The following PTGDS variants were observed in gnomAD, a reference collection of about 807,000 sequenced individuals.
The protein encoded by PTGDS is prostaglandin D2 synthase, also known as prostaglandin-H2 D-isomerase.
PTGDS carries 21 observed loss-of-function variants against 28.4 expected under a neutral mutation model. The observed-to-expected ratio is 0.74, with a 90% CI of 0.52 to 1.07. The LOEUF (loss-of-function observed/expected upper bound fraction) is 1.07. Among genes scored for constraint, PTGDS ranks in the 50% least tolerant of loss-of-function variants. The pLI, the probability that PTGDS is intolerant of heterozygous loss-of-function variation, is 0.00. For synonymous variants in PTGDS, 102 were observed against 106.0 expected, an observed-to-expected ratio of 0.96 and a Z score of 0.23; for missense variants, 243 against 247.7, an observed-to-expected ratio of 0.98 and a Z score of 0.13.
chr9:136,980,531 G>A (rs1050584169), intron 5 of PTGDS: 6 of 1,010,472 alleles, frequency 5.9e-6, no homozygotes, highest in Non-Finnish European at 8.5e-6. Context: ...CTCCCAGGAT[G>A]TGGGGCTTCA....
At chr9:136,977,930 C>T (rs1240692128) in intron 1 of PTGDS, among the ~76,000 whole-genome samples, 1 of 152,174 alleles carries the variant, frequency 6.6e-6, no homozygotes, top group South Asian at 2.1e-4. Flanking sequence ...ACGCAGACAC[C>T]GGGCCACACA....
intron 1 of PTGDS, among the ~76,000 whole-genome samples, chr9:136,978,470 A>AG (rs1043454821): frequency 1.5e-4 from 1 of 6,584 alleles, no homozygotes; most frequent in South Asian, 4.0e-3. Flanking sequence ...TCTCCGGGGG[A>AG]GGGGGAAGTG....
Position 136,980,287 on chromosome 9 carries a change from G to A in PTGDS, c.550+3G>A. ...CATTGTCTTCCTGCCCCAAACCGGT[G>A]AGGGGTCCTAATCTGATGGGGAGAG... On this transcript the variant is annotated splice_donor_region_variant and intron_variant, in intron 5 of 6. Transcript: ENST00000371625. The A allele has an allele frequency of 6.2e-7, 1 of 1,613,598 alleles. No individual in the cohort carries two copies. Among genetic ancestry groups the A allele is most frequent in the Non-Finnish European group, 8.5e-7 (1 of 1,179,624 alleles).
intron 6 of PTGDS, 30 bp from the exon 7 acceptor site, chr9:136,981,549 C>T (rs1830448452): frequency 6.6e-6 from 1 of 152,394 alleles, no homozygotes; most frequent in Non-Finnish European, 1.5e-5. Flanking sequence ...CTGCAGTCCT[C>T]CATCCTAGCC....
chr9:136,978,825 G>C lies in PTGDS; in HGVS notation c.115-168G>C, dbSNP rs1267529717. On this transcript the variant is annotated intron_variant, in intron 1 of 6. Transcript: ENST00000371625. Reference sequence around the variant, plus strand: ...CCTGGGGCGGGGATTGAGGGGCGGGGGTCAGTTCCTGGGGCGGGGCGTGAG... The same window carrying C: ...CCTGGGGCGGGGATTGAGGGGCGGGCGTCAGTTCCTGGGGCGGGGCGTGAG... The C allele has an allele frequency of 1.5e-5, 14 of 935,388 alleles. No individual in the cohort carries two copies. The Admixed American group carries it at 2.0e-4, about 13-fold the overall frequency. The allele number at this position is 935,388 out of a possible 1,614,324, so 57.9% of individuals were successfully genotyped here.
At position 136,979,472 on chromosome 9, in the gene PTGDS, G is replaced by C. The variant is rs370391649; in HGVS notation, c.331+173G>C. Reference sequence around the variant, plus strand: ...CGTGACTACCCATGCACAAGTGTTAGGGACAGAGAGACCCTTCCTCCAGGG... The same window carrying C: ...CGTGACTACCCATGCACAAGTGTTACGGACAGAGAGACCCTTCCTCCAGGG... On this transcript the variant is annotated intron_variant, in intron 3 of 6. Coordinates refer to ENST00000371625, the MANE Select transcript of PTGDS (RefSeq NM_000954.6). 10 of 1,537,262 alleles carry C rather than the reference G, an allele frequency of 6.5e-6. No homozygotes were observed. In the East Asian group the frequency reaches 2.4e-4, roughly 38 times the overall value.
intron 5 of PTGDS, 136 bp from the exon 6 acceptor site, chr9:136,980,697 G>A (rs754766104): frequency 1.2e-6 from 2 of 1,605,086 alleles, no homozygotes; most frequent in Non-Finnish European, 1.7e-6. Flanking sequence ...GGAGAGGTGG[G>A]AGGTGATGGG....
In PTGDS at chr9:136,979,314, C is replaced by A; in HGVS notation, c.331+15C>A. The A allele has an allele frequency of 6.2e-7, 1 of 1,604,186 alleles. No homozygotes were observed. Among genetic ancestry groups the A allele is most frequent in the Non-Finnish European group, 8.5e-7 (1 of 1,175,896 alleles). On this transcript the variant is annotated intron_variant, in intron 3 of 6. Transcript: ENST00000371625. ...CCGGAGTCCCCGTGAGTGGGGCCTC[C>A]ACCGGCCCCCTGGGCCCAGCCTGGG...
At position 136,980,078 on chromosome 9, in the gene PTGDS, A is replaced by C. The variant is rs746731643; in HGVS notation, c.448+16A>C. On this transcript the variant is annotated intron_variant, in intron 4 of 6. Transcript: ENST00000371625. ...ACCCTCTACAGTACGTGCCCCGTGG[A>C]CGCCGCCCACACGCAGGCCTGACCA... 3.1e-6 allele frequency: 5 copies of C among 1,608,010 alleles called. No homozygotes were observed. Among genetic ancestry groups the C allele is most frequent in the Non-Finnish European group, 4.2e-6 (5 of 1,177,080 alleles).
chr9:136,978,740 G>T (rs2131396819), intron 1 of PTGDS: 1 of 413,356 alleles, frequency 2.4e-6, no homozygotes, highest in Non-Finnish European at 4.4e-6. Context: ...ATCTCCTGGG[G>T]CGGGGATGTG....
intron 1 of PTGDS, among the ~76,000 whole-genome samples, chr9:136,978,562 G>C (rs1365513828): frequency 8.5e-6 from 1 of 117,840 alleles, no homozygotes; most frequent in Non-Finnish European, 1.8e-5. Flanking sequence ...GGCGTGGTCA[G>C]CTCCTGGGGC....
Position 136,979,033 on chromosome 9 carries a change from C to T in PTGDS, c.155C>T (p.Ser52Leu), listed in dbSNP as rs972720976. 6.8e-6 allele frequency: 11 copies of T among 1,608,524 alleles called. No individual in the cohort carries two copies. The highest frequency in any genetic ancestry group is 1.7e-5 in the Admixed American group (1 of 59,602). Residue 52 changes from serine to leucine, a missense_variant, in exon 2 of 7, where the codon TCG becomes TTG. By Grantham distance (145) the Ser-to-Leu change is moderately radical. Transcript: ENST00000371625. ...RWFSAGLASN[S>L]SWLREKKAAL... ...TTCAGCGCGGGCCTCGCCTCCAACT[C>T]GAGCTGGCTCCGGGAGAAGAAGGCG...
intron 1 of PTGDS, chr9:136,978,667 T>C (rs1445172969): frequency 6.1e-5 from 17 of 280,790 alleles, no homozygotes; most frequent in African/African-American, 5.3e-4. Context: ...CGGGGCCAGC[T>C]CTTGGGGCGG....
At chr9:136,979,320 C>T (rs1200179524) in intron 3 of PTGDS, 21 bp downstream of exon 3, 2 of 1,600,266 alleles carry the variant, frequency 1.2e-6, no homozygotes. Flanking sequence ...CCTCCACCGG[C>T]CCCCTGGGCC....
chr9:136,980,872 A>ATTCC lies in PTGDS; in HGVS notation c.*20_*21insCTTC. The stretch of plus-strand genomic sequence containing the variant: ...GAACAATAGGTGAGCCACTCCATTC[A>ATTCC]TTCATTCATTCATTCATTCATTCAT... On this transcript the variant is annotated intron_variant, in intron 6 of 6. Coordinates refer to ENST00000371625, the MANE Select transcript of PTGDS (RefSeq NM_000954.6). The ATTCC allele has an allele frequency of 6.5e-7, 1 of 1,546,048 alleles. No homozygotes were observed. The highest frequency in any genetic ancestry group is 1.2e-5 in the South Asian group (1 of 81,808).
Position 136,977,709 on chromosome 9 carries a change from C to G in PTGDS, c.114+17C>G. 1 of 1,559,772 alleles carries G rather than the reference C, an allele frequency of 6.4e-7. No individual in the cohort carries two copies. Among genetic ancestry groups the G allele is most frequent in the Non-Finnish European group, 8.7e-7 (1 of 1,152,686 alleles). On this transcript the variant is annotated intron_variant, in intron 1 of 6. Transcript: ENST00000371625. ...CAGGACAAGGTGAGGGGCTTTCCTGCGTCATCCCCAAGGGCTACAGGACCC... is the reference window on the plus strand; with the variant it reads ...CAGGACAAGGTGAGGGGCTTTCCTGGGTCATCCCCAAGGGCTACAGGACCC...
chr9:136,980,225 C>T lies in PTGDS; in HGVS notation c.491C>T (p.Thr164Ile). 2 of 1,614,084 alleles carry T rather than the reference C, an allele frequency of 1.2e-6. No homozygotes were observed. The highest frequency in any genetic ancestry group is 1.7e-6 in the Non-Finnish European group (2 of 1,179,998). The change falls in exon 5 of 7, where the codon ACC becomes ATC. Residue 164 changes from threonine to isoleucine, a missense_variant. By Grantham distance (89) the Thr-to-Ile change is moderately conservative. Transcript: ENST00000371625. The part of the protein sequence containing the change: ...TPRAELKEKF[T>I]AFCKAQGFTE... ...AGGGCTGAGTTAAAGGAGAAATTCA[C>T]CGCCTTCTGCAAGGCCCAGGGCTTC...
chr9:136,980,992 G>A, intron 6 of PTGDS, 137 bp downstream of exon 6: 1 of 1,277,594 alleles, frequency 7.8e-7, no homozygotes, highest in Non-Finnish European at 1.1e-6. Context: ...CCCGATGGCT[G>A]CAGTCCAGGG....
At chr9:136,977,743 G>C (rs1193567166) in intron 1 of PTGDS, 51 bp downstream of exon 1, 8 of 1,454,374 alleles carry the variant, frequency 5.5e-6, no homozygotes, top group Non-Finnish European at 5.5e-6. Context: ...CCTGTCAGGG[G>C]AAGGGCACTT....
Sources: gnomAD v4.1 joint callset for allele counts (sites outside exome capture counted in the v4.1 genomes callset) on GRCh38, gnomAD v4.1.1 for gene constraint, MANE v1.5 for transcripts, NCBI Gene and HGNC (gene_info 2026-07-23, HGNC 2026-07-21) for gene names.